The following SLC44A5 variants were observed in gnomAD, a reference collection of about 807,000 sequenced individuals.
SLC44A5 encodes solute carrier family 44 member 5.
Under a neutral mutation model 101.8 loss-of-function variants are expected in SLC44A5, and 57 were observed. The ratio of observed to expected loss-of-function variants is 0.56; its 90% CI spans 0.45 to 0.70. The LOEUF (loss-of-function observed/expected upper bound fraction) is 0.70. SLC44A5 is among the 30% of genes least tolerant of loss of function. The pLI is 0.00. For synonymous variants in SLC44A5, 281 were observed against 290.9 expected, an observed-to-expected ratio of 0.97 and a Z score of 0.35; for missense variants, 737 against 853.1, an observed-to-expected ratio of 0.86 and a Z score of 1.70.
chr1:75,228,885 T>C (rs1427163232), intron 12 of SLC44A5, among the ~76,000 whole-genome samples: 1 of 151,764 alleles, frequency 6.6e-6, no homozygotes, highest in East Asian at 2.0e-4. Flanking sequence ...AGTTAGCATG[T>C]AGGTAAAGCT....
intron 12 of SLC44A5, among the ~76,000 whole-genome samples, chr1:75,233,128 A>C (rs527301951): frequency 7.2e-5 from 11 of 152,264 alleles, no homozygotes; most frequent in African/African-American, 2.4e-4. Context: ...ACTTTAATTC[A>C]TATGTAGAGC....
chr1:75,677,808 C>T, the SLC44A5 span: 1,885 of 408,052 alleles, frequency 4.6e-3, 7 homozygotes, highest in Non-Finnish European at 7.4e-3. Context: ...CCAGCCTGAG[C>T]GACGCAGAAG....
upstream of SLC44A5, among the ~76,000 whole-genome samples, chr1:75,614,011 T>C (rs1176753841): frequency 2.6e-5 from 4 of 152,200 alleles, no homozygotes; most frequent in Non-Finnish European, 4.4e-5. Context: ...TTTTCCACTC[T>C]TCATGGACCA....
rs548696438 is a variant in SLC44A5 at position 75,346,540 on chromosome 1, A to G, written c.53-6910T>C. ...TTTGAAATGCACTTTTGAAAAACTG[A>G]TTTTTCTTGATTAGTGTGACAAAGC... is the stretch of plus-strand genomic sequence containing the variant. On this transcript the variant is annotated intron_variant, in intron 3 of 23. Transcript: ENST00000370859. Among the ~76,000 whole-genome samples the G allele has an allele frequency of 2.0e-4, 31 of 152,198 alleles. No homozygotes were observed. In the South Asian group the frequency reaches 4.4e-3, roughly 21 times the overall value.
At chr1:75,554,626 G>C (rs1672120531) in intron 1 of SLC44A5, among the ~76,000 whole-genome samples, 1 of 152,080 alleles carries the variant, frequency 6.6e-6, no homozygotes, top group Non-Finnish European at 1.5e-5. Flanking sequence ...TGGAGTTGAA[G>C]AAACAGTAGA....
chr1:75,398,410 T>C (rs1662264332), intron 2 of SLC44A5: 1 of 985,256 alleles, frequency 1.0e-6, no homozygotes, highest in Non-Finnish European at 1.2e-6. Flanking sequence ...AGCATGTCAG[T>C]AATCTCAGAC....
chr1:75,548,555 G>A (rs989519461), intron 1 of SLC44A5, among the ~76,000 whole-genome samples: 1 of 152,012 alleles, frequency 6.6e-6, no homozygotes, highest in African/African-American at 2.4e-5. Context: ...CCCAAGTCAA[G>A]TAACCATGTC....
the SLC44A5 span, among the ~76,000 whole-genome samples, chr1:75,681,623 T>G: frequency 1.3e-5 from 2 of 150,526 alleles, no homozygotes; most frequent in African/African-American, 4.9e-5. Context: ...TAATAAGAGC[T>G]ATCTATGACA....
chr1:75,294,150 C>T (rs1653782747), intron 5 of SLC44A5, among the ~76,000 whole-genome samples: 1 of 152,122 alleles, frequency 6.6e-6, no homozygotes, highest in South Asian at 2.1e-4. Flanking sequence ...AAGCTGTGAT[C>T]TGATAGGTTC....
Position 75,236,973 on chromosome 1 carries a change from G to GTGC in SLC44A5, c.740+13_740+14insGCA. On this transcript the variant is annotated intron_variant, in intron 11 of 23. Transcript: ENST00000370859. ...ATGGGGCTGGAGAAGAAACATCTATGTGTTTTCACTTACATGAGAATCCAA... is the reference window on the plus strand; with the variant it reads ...ATGGGGCTGGAGAAGAAACATCTATGTGCTGTTTTCACTTACATGAGAATCCAA... The GTGC allele has an allele frequency of 7.0e-7, 1 of 1,427,018 alleles. No individual in the cohort carries two copies. The highest frequency in any genetic ancestry group is 9.8e-7 in the Non-Finnish European group (1 of 1,015,672). 88.4% of individuals were successfully genotyped at this position (1,427,018 alleles called of 1,614,324 possible). A position where few individuals can be genotyped will look rare whatever the true frequency, so the allele number is the denominator to read the frequency against.
At chr1:75,648,962 A>G in the SLC44A5 span, among the ~76,000 whole-genome samples, 1 of 152,172 alleles carries the variant, frequency 6.6e-6, no homozygotes, top group Non-Finnish European at 1.5e-5. Context: ...TTGAAATTAC[A>G]ATAATTTTTA....
chr1:75,208,273 C>T (rs1354212223), intron 23 of SLC44A5, among the ~76,000 whole-genome samples: 1 of 152,162 alleles, frequency 6.6e-6, no homozygotes, highest in Non-Finnish European at 1.5e-5. Flanking sequence ...GTTCTGCTGT[C>T]TCAGCCTCCA....
intron 3 of SLC44A5, chr1:75,353,971 T>A (rs960164207): frequency 6.4e-6 from 2 of 313,456 alleles, no homozygotes; most frequent in Admixed American, 8.6e-5. Flanking sequence ...AGGATTCTTC[T>A]TCCACATTGT....
At chr1:75,425,742 C>T (rs1335523071) in intron 2 of SLC44A5, among the ~76,000 whole-genome samples, 1 of 152,142 alleles carries the variant, frequency 6.6e-6, no homozygotes, top group Non-Finnish European at 1.5e-5. Context: ...CTTGAACATG[C>T]CATGCTATGG....
intron 10 of SLC44A5, 84 bp from the exon 11 acceptor site, chr1:75,237,154 C>A (rs1388856332): frequency 3.8e-6 from 3 of 782,988 alleles, no homozygotes; most frequent in South Asian, 1.8e-5. Flanking sequence ...AGGGATTCTG[C>A]AAGGTGCTGT....
chr1:75,557,001 G>T (rs1051432818), intron 1 of SLC44A5, among the ~76,000 whole-genome samples: 1 of 152,126 alleles, frequency 6.6e-6, no homozygotes, highest in African/African-American at 2.4e-5. Flanking sequence ...TTCCTCAGGG[G>T]TTTTACCCAG....
chr1:75,469,436 T>C (rs1666986837), intron 2 of SLC44A5, among the ~76,000 whole-genome samples: 1 of 151,952 alleles, frequency 6.6e-6, no homozygotes, highest in East Asian at 1.9e-4. Context: ...TTATATAATT[T>C]AGATGCAGAT....
At chr1:75,631,956 C>T in the SLC44A5 span, among the ~76,000 whole-genome samples, 1 of 152,132 alleles carries the variant, frequency 6.6e-6, no homozygotes, top group Non-Finnish European at 1.5e-5. Flanking sequence ...ATGAGCCACC[C>T]TGCCTGGACA....
intron 4 of SLC44A5, among the ~76,000 whole-genome samples, chr1:75,305,712 T>C (rs1020745669): frequency 5.4e-4 from 82 of 152,156 alleles, no homozygotes; most frequent in African/African-American, 1.8e-3. Flanking sequence ...ATAGCCAGGG[T>C]TTACACCTCT....
Sources: allele counts gnomAD v4.1 joint callset (sites outside exome capture counted in the v4.1 genomes callset), GRCh38; gene constraint gnomAD v4.1.1; transcripts MANE v1.5; gene names NCBI Gene and HGNC (gene_info 2026-07-23, HGNC 2026-07-21).